PDGFD: variants seen among roughly 807,000 people sequenced by gnomAD.
The protein encoded by PDGFD is platelet derived growth factor D, also known as platelet-derived growth factor D.
PDGFD carries 30 observed loss-of-function variants against 44.7 expected under a neutral mutation model. That is an observed-to-expected ratio of 0.67 (90% confidence interval 0.50 to 0.91). The LOEUF (loss-of-function observed/expected upper bound fraction) is 0.91, where lower values mean the gene tolerates loss of function less well. Ranked by LOEUF, PDGFD falls within the 40% of genes least tolerant of loss-of-function variation. The probability of loss-of-function intolerance (pLI) is 0.00; values close to 1 mark genes in which losing one functional copy is unlikely to be tolerated. For synonymous variants in PDGFD, 173 were observed against 168.4 expected (o/e 1.03, Z -0.21); for missense variants, 445 against 457.8 (o/e 0.97, Z 0.25).
rs146946909 is a variant in PDGFD, at chr11:104,100,726, G to T, written c.124+63078C>A. On this transcript the variant is annotated intron_variant, in intron 1 of 6. Coordinates refer to ENST00000393158, the MANE Select transcript of PDGFD (RefSeq NM_025208.5). ...ATAAAATACTGGCAAACCGAATCCAGCAGCACAACAAAAAGCTTATCCACC... is the reference window on the plus strand; with the variant it reads ...ATAAAATACTGGCAAACCGAATCCATCAGCACAACAAAAAGCTTATCCACC... 5.8e-3 allele frequency among the ~76,000 whole-genome samples: 881 copies of T among 152,222 alleles called. 9 individuals carry two copies. Among genetic ancestry groups the T allele is most frequent in the African/African-American group, 0.02 (821 of 41,514 alleles).
chr11:104,042,386 G>A (rs1860369590), intron 1 of PDGFD, among the ~76,000 whole-genome samples: 1 of 152,196 alleles, frequency 6.6e-6, no homozygotes, highest in African/African-American at 2.4e-5. Flanking sequence ...AATGGAGCTT[G>A]CAGTCTTGCT....
At chr11:104,124,441 T>C (rs1241049469) in intron 1 of PDGFD, among the ~76,000 whole-genome samples, 2 of 152,110 alleles carry the variant, frequency 1.3e-5, no homozygotes, top group Admixed American at 1.3e-4. Context: ...TCTCAGAAGA[T>C]ATTCCTGTAA....
chr11:104,050,530 C>G (rs1046982608), intron 1 of PDGFD, among the ~76,000 whole-genome samples: 1 of 152,114 alleles, frequency 6.6e-6, no homozygotes, highest in Admixed American at 6.5e-5. Context: ...GTTCTAATAC[C>G]AGTTTTGCCA....
intron 1 of PDGFD, among the ~76,000 whole-genome samples, chr11:104,144,469 G>A (rs1359628531): frequency 7.8e-6 from 1 of 128,464 alleles, no homozygotes; most frequent in Admixed American, 9.5e-5. Context: ...TTGCGCCACT[G>A]CACTTTAGCC....
chr11:103,919,270 T>C (rs1858172202), intron 6 of PDGFD, among the ~76,000 whole-genome samples: 1 of 152,236 alleles, frequency 6.6e-6, no homozygotes. Context: ...ACTCACCTTG[T>C]TGCCAATAAA....
intron 1 of PDGFD, among the ~76,000 whole-genome samples, chr11:104,150,629 T>A (rs1862229723): frequency 6.6e-6 from 1 of 152,182 alleles, no homozygotes; most frequent in Non-Finnish European, 1.5e-5. Flanking sequence ...ATACTCCCTC[T>A]GGAGGCTCCA....
In PDGFD at chr11:104,163,817, G is replaced by T. The variant is rs958505978; in HGVS notation, c.111C>A (p.Asn37Lys). 3.2e-6 allele frequency: 5 copies of T among 1,550,406 alleles called. No homozygotes were observed. The highest frequency in any genetic ancestry group is 4.4e-6 in the Non-Finnish European group (5 of 1,136,126). ...TGAGTCTCTTACCATCTCGCCTGAG[G>T]TTGGCGTTGCGCAAAGCTTTGATGG... is the stretch of plus-strand genomic sequence containing the variant. ...SASIKALRNANLRRDESNHLT... is the reference protein window; with the variant it reads ...SASIKALRNAKLRRDESNHLT... The change falls in exon 1 of 7, where the codon AAC becomes AAA. Residue 37 changes from asparagine (N) to lysine (K), a missense_variant. Asn to Lys is a moderately conservative substitution (Grantham distance 94). Transcript: ENST00000393158.
Position 103,911,191 on chromosome 11 carries a change from T to C in PDGFD, c.988-1372A>G, listed in dbSNP as rs1858023759. ...CTTAAACATTCCTGCCTGGAGGCTCTGAAGAGAGCAGCGGATCTCCCAGCA... is the reference window on the plus strand; with the variant it reads ...CTTAAACATTCCTGCCTGGAGGCTCCGAAGAGAGCAGCGGATCTCCCAGCA... On this transcript the variant is annotated intron_variant, in intron 6 of 6. Transcript: ENST00000393158. 2.0e-5 allele frequency among the ~76,000 whole-genome samples: 3 copies of C among 152,172 alleles called. No homozygotes were observed. In the South Asian group the frequency reaches 6.2e-4, roughly 31 times the overall value.
intron 6 of PDGFD, among the ~76,000 whole-genome samples, chr11:103,925,574 G>A (rs990276888): frequency 1.3e-5 from 2 of 150,838 alleles, no homozygotes; most frequent in African/African-American, 4.9e-5. Flanking sequence ...ACTTGCATGT[G>A]TTTCCACAAT....
chr11:104,036,743 C>A, intron 1 of PDGFD: 2 of 1,113,482 alleles, frequency 1.8e-6, no homozygotes, highest in Non-Finnish European at 2.6e-6. Context: ...GGAGCAGCGG[C>A]ACCAACGACG....
intron 1 of PDGFD, among the ~76,000 whole-genome samples, chr11:104,095,267 T>C (rs1861267449): frequency 6.6e-6 from 1 of 152,130 alleles, no homozygotes; most frequent in Non-Finnish European, 1.5e-5. Flanking sequence ...ATAATCTCCA[T>C]AATGGAAAGA....
intron 3 of PDGFD, among the ~76,000 whole-genome samples, chr11:103,963,982 T>C (rs983599874): frequency 6.6e-6 from 1 of 152,116 alleles, no homozygotes; most frequent in African/African-American, 2.4e-5. Context: ...CATTTACCAA[T>C]GCTTTCAACT....
chr11:104,110,771 G>A (rs1861542647), intron 1 of PDGFD, among the ~76,000 whole-genome samples: 1 of 152,092 alleles, frequency 6.6e-6, no homozygotes. Flanking sequence ...CAGCACCTAG[G>A]AGGTTAAGTG....
Position 104,121,675 on chromosome 11 carries a change from C to T in PDGFD, c.124+42129G>A, listed in dbSNP as rs998437447. On this transcript the variant is annotated intron_variant, in intron 1 of 6. Transcript: ENST00000393158. ...ATTGTGTAAAATGTGTGTACACACT[C>T]TCAATTTCTGTACTTAATTCATTAA... is the stretch of plus-strand genomic sequence containing the variant. Among the ~76,000 whole-genome samples, 4 of 152,084 alleles carry T rather than the reference C, an allele frequency of 2.6e-5. 1 individual carries two copies. In the East Asian group the frequency reaches 5.8e-4, roughly 22 times the overall value.
At chr11:103,938,344 A>T (rs921310005) in intron 5 of PDGFD, among the ~76,000 whole-genome samples, 1 of 152,178 alleles carries the variant, frequency 6.6e-6, no homozygotes, top group Non-Finnish European at 1.5e-5. Flanking sequence ...TGGCTGCATA[A>T]ATGCCTTCTT....
chr11:104,125,856 C>T (rs989769719), intron 1 of PDGFD, among the ~76,000 whole-genome samples: 5 of 152,130 alleles, frequency 3.3e-5, no homozygotes, highest in African/African-American at 1.2e-4. Context: ...CATACTATGA[C>T]CAACAGTAAT....
intron 1 of PDGFD, among the ~76,000 whole-genome samples, chr11:104,058,146 A>G (rs1860651924): frequency 6.6e-6 from 1 of 152,212 alleles, no homozygotes; most frequent in South Asian, 2.1e-4. Flanking sequence ...AAGAAAACAA[A>G]TTGATAAACT....
chr11:104,099,835 T>C (rs187696552), intron 1 of PDGFD, among the ~76,000 whole-genome samples: 444 of 152,146 alleles, frequency 2.9e-3, no homozygotes, highest in Middle Eastern at 6.8e-3. Context: ...ATTTATCCAA[T>C]TGCTAACGTA....
In PDGFD at chr11:103,986,294, C is replaced by T. The variant is rs569091149; in HGVS notation, c.510+9771G>A. Among the ~76,000 whole-genome samples, 26 of 152,250 alleles carry T rather than the reference C, an allele frequency of 1.7e-4. No individual in the cohort carries two copies. The South Asian group carries it at 5.4e-3, about 32-fold the overall frequency. ...TGGCTGAATCTTACAGCAAATAGAG[C>T]AGGTCAGCTAGGTCTCCTTAGAGCC... is the stretch of plus-strand genomic sequence containing the variant. On this transcript the variant is annotated intron_variant, in intron 3 of 6. Transcript: ENST00000393158.
Sources: gnomAD v4.1 joint callset for allele counts (sites outside exome capture counted in the v4.1 genomes callset) on GRCh38, gnomAD v4.1.1 for gene constraint, MANE v1.5 for transcripts, NCBI Gene and HGNC (gene_info 2026-07-23, HGNC 2026-07-21) for gene names.